Variants in PAPSS1 observed in about 807,000 individuals in gnomAD.
PAPSS1 encodes the protein 3'-phosphoadenosine 5'-phosphosulfate synthase 1, also known as bifunctional 3'-phosphoadenosine 5'-phosphosulfate synthase 1.
In PAPSS1, 50 loss-of-function variants were observed where a neutral mutation model predicts 72.0. That is an observed-to-expected ratio of 0.69 (90% CI 0.55 to 0.88). The LOEUF (loss-of-function observed/expected upper bound fraction) is 0.88, where lower values mean the gene tolerates loss of function less well. Among genes scored for constraint, PAPSS1 ranks in the 40% least tolerant of loss-of-function variants. The pLI is 0.00. For synonymous variants in PAPSS1, 261 were observed against 263.6 expected, an observed-to-expected ratio of 0.99 and a Z score of 0.09; for missense variants, 657 against 782.2, an observed-to-expected ratio of 0.84 and a Z score of 1.91.
chr4:107,717,805 G>T (rs551752472), intron 1 of PAPSS1, among the ~76,000 whole-genome samples: 180 of 152,038 alleles, frequency 1.2e-3, no homozygotes, highest in Non-Finnish European at 2.2e-3. Flanking sequence ...AAAACTTCAG[G>T]ATCATCTTCT....
intron 5 of PAPSS1, among the ~76,000 whole-genome samples, chr4:107,661,979 T>C (rs1442102566): frequency 2.6e-5 from 4 of 152,162 alleles, no homozygotes; most frequent in African/African-American, 9.7e-5. Flanking sequence ...CAAGAGACAG[T>C]TCAGCAATGG....
At chr4:107,700,429 G>C (rs990975103) in intron 2 of PAPSS1, among the ~76,000 whole-genome samples, 4 of 152,174 alleles carry the variant, frequency 2.6e-5, no homozygotes, top group African/African-American at 9.7e-5. Context: ...AGACTCTAGG[G>C]AAACAATCAA....
intron 10 of PAPSS1, among the ~76,000 whole-genome samples, chr4:107,640,443 A>G (rs1359890428): frequency 6.6e-6 from 1 of 152,228 alleles, no homozygotes; most frequent in East Asian, 1.9e-4. Flanking sequence ...TAAATGACCT[A>G]CAGAAAATGA....
chr4:107,704,877 G>A (rs1442661664), intron 1 of PAPSS1, among the ~76,000 whole-genome samples: 1 of 152,076 alleles, frequency 6.6e-6, no homozygotes, highest in Non-Finnish European at 1.5e-5. Flanking sequence ...CTTGAACCCA[G>A]GAGGCGGAGG....
At chr4:107,695,156 C>G (rs1198381491) in intron 2 of PAPSS1, among the ~76,000 whole-genome samples, 1 of 152,138 alleles carries the variant, frequency 6.6e-6, no homozygotes, top group Non-Finnish European at 1.5e-5. Flanking sequence ...TTTGTGTCCT[C>G]TATTATTTCC....
chr4:107,618,710 T>C (rs1725885605), intron 11 of PAPSS1, among the ~76,000 whole-genome samples: 1 of 152,136 alleles, frequency 6.6e-6, no homozygotes, highest in Non-Finnish European at 1.5e-5. Flanking sequence ...GTGGAGAATC[T>C]GCATGTGAAT....
At chr4:107,668,062 A>T (rs1297289125) in intron 5 of PAPSS1, among the ~76,000 whole-genome samples, 1 of 152,192 alleles carries the variant, frequency 6.6e-6, no homozygotes, top group Non-Finnish European at 1.5e-5. Context: ...AATGTGAAAG[A>T]GAGTCAGAGA....
intron 5 of PAPSS1, among the ~76,000 whole-genome samples, chr4:107,663,613 G>A (rs1249502997): frequency 2.6e-5 from 4 of 151,790 alleles, no homozygotes; most frequent in Non-Finnish European, 4.4e-5. Flanking sequence ...CCTAAGAGAG[G>A]TCAACAACTT....
chr4:107,648,454 TA>T (rs1011518980), intron 9 of PAPSS1, among the ~76,000 whole-genome samples: 1 of 152,204 alleles, frequency 6.6e-6, no homozygotes, highest in African/African-American at 2.4e-5. Context: ...GCAGTGCTTC[TA>T]AATCCTAGTC....
At chr4:107,675,793 C>T (rs1180089333) in intron 5 of PAPSS1, among the ~76,000 whole-genome samples, 1 of 152,200 alleles carries the variant, frequency 6.6e-6, no homozygotes, top group African/African-American at 2.4e-5. Context: ...CAATAAAATA[C>T]TGGCAAACCG....
chr4:107,648,889 T>TG (rs1308925532), intron 9 of PAPSS1, among the ~76,000 whole-genome samples: 1 of 152,072 alleles, frequency 6.6e-6, no homozygotes, highest in East Asian at 1.9e-4. Context: ...CTTAAGAAGG[T>TG]GGGGGGTGGA....
chr4:107,639,496 A>G (rs1726480069), intron 10 of PAPSS1, among the ~76,000 whole-genome samples: 1 of 152,208 alleles, frequency 6.6e-6, no homozygotes, highest in Admixed American at 6.5e-5. Context: ...ACTTTGCTAC[A>G]GGAATATTAA....
intron 4 of PAPSS1, among the ~76,000 whole-genome samples, chr4:107,682,345 AAT>A (rs1722645118): frequency 6.6e-6 from 1 of 152,058 alleles, no homozygotes; most frequent in African/African-American, 2.4e-5. Flanking sequence ...AACTACCTAA[AAT>A]ACCACAAAAA....
chr4:107,638,272 C>T (rs1456916004), intron 10 of PAPSS1, among the ~76,000 whole-genome samples: 1 of 152,064 alleles, frequency 6.6e-6, no homozygotes, highest in African/African-American at 2.4e-5. Context: ...ATTAAACATA[C>T]CTTACAAAAA....
At chr4:107,628,685 T>G (rs780978420) in intron 11 of PAPSS1, among the ~76,000 whole-genome samples, 7 of 152,198 alleles carry the variant, frequency 4.6e-5, no homozygotes, top group Non-Finnish European at 7.4e-5. Context: ...GTATACTAAA[T>G]AAAGGTCAAG....
At chr4:107,640,114 G>A (rs943032065) in intron 10 of PAPSS1, among the ~76,000 whole-genome samples, 1 of 152,098 alleles carries the variant, frequency 6.6e-6, no homozygotes, top group African/African-American at 2.4e-5. Flanking sequence ...TCACGTCACA[G>A]GTCTTAGCAT....
chr4:107,651,113 T>C (rs994081271), intron 9 of PAPSS1, among the ~76,000 whole-genome samples: 1 of 152,136 alleles, frequency 6.6e-6, no homozygotes, highest in Non-Finnish European at 1.5e-5. Flanking sequence ...CTCAAAGAAG[T>C]TTCTGTATCA....
intron 5 of PAPSS1, among the ~76,000 whole-genome samples, chr4:107,666,879 A>C (rs1368573032): frequency 6.6e-6 from 1 of 152,174 alleles, no homozygotes; most frequent in Non-Finnish European, 1.5e-5. Flanking sequence ...AAATACATAC[A>C]GTGTTTGGTC....
In PAPSS1 at chr4:107,653,544, T is replaced by C; in HGVS notation, c.1184A>G (p.Gln395Arg). The change falls in exon 9 of 12, where the codon CAG (glutamine) becomes CGG (arginine). Residue 395 changes from glutamine to arginine, a missense_variant. By Grantham distance (43) the Gln-to-Arg change is conservative. Around this residue, in one of 7 missense-constraint regions of PAPSS1, gnomAD observed 166 missense variants for 228.3 expected, o/e 0.73. Coordinates refer to ENST00000265174, the MANE Select transcript of PAPSS1 (RefSeq NM_005443.5). ...DRVYWNDGLD[Q>R]YRLTPTELKQ... ...TAGCTCAGTAGGAGTAAGACGATAC[T>C]GATCAAGACCATCATTCCAATAAAC... 6.2e-7 allele frequency: 1 copy of C among 1,612,706 alleles called. No homozygotes were observed. The highest frequency in any genetic ancestry group is 8.5e-7 in the Non-Finnish European group (1 of 1,179,124).
Sources: allele counts gnomAD v4.1 joint callset (sites outside exome capture counted in the v4.1 genomes callset), GRCh38; gene constraint gnomAD v4.1.1; regional missense constraint gnomAD v4.1.1; transcripts MANE v1.5; gene names NCBI Gene and HGNC (gene_info 2026-07-23, HGNC 2026-07-21).